Variants in CPSF6 observed in about 807,000 individuals in gnomAD.
CPSF6 encodes the protein cleavage and polyadenylation specificity factor subunit 6.
Under a neutral mutation model 56.7 loss-of-function variants are expected in CPSF6, and 10 were observed. The observed-to-expected ratio is 0.18, with a 90% CI of 0.11 to 0.30. CPSF6 has a LOEUF of 0.30. CPSF6 is among the 10% of genes least tolerant of loss of function. The pLI, the probability that CPSF6 is intolerant of heterozygous loss-of-function variation, is 1.00. For missense variants in CPSF6, 419 were observed against 722.9 expected, an observed-to-expected ratio of 0.58 and a Z score of 4.82; for synonymous variants, 248 against 244.8, an observed-to-expected ratio of 1.01 and a Z score of -0.12.
chr12:69,239,699 TC>T lies in CPSF6; in HGVS notation c.54del (p.Phe18LeufsTer13). 1 of 1,588,020 alleles carries T rather than the reference TC, an allele frequency of 6.3e-7. No homozygotes were observed. Among genetic ancestry groups the T allele is most frequent in the African/African-American group, 1.4e-5 (1 of 71,744 alleles). On this transcript the variant is annotated frameshift_variant, in exon 1 of 10. Transcript: ENST00000435070. LOFTEE classifies it high-confidence loss of function. ...IDIYADVGEE[F>X]NQEAEYGGHD... ...ATTTACGCGGATGTCGGCGAAGAGT[TC>T]AACCAGGTACGTGAGAGCCCAGGTC...
In CPSF6 at chr12:69,271,065, G is replaced by A. The variant is rs1873217155; in HGVS notation, c.*1557G>A. The A allele has an allele frequency of 6.6e-6, 1 of 151,884 alleles. No homozygotes were observed. The highest frequency in any genetic ancestry group is 1.5e-5 in the Non-Finnish European group (1 of 67,678). The allele number at this position is 151,884 out of a possible 1,614,324, so 9.4% of individuals were successfully genotyped here. ...CACTGCTGTTCTTCACTTTCATCTT[G>A]TCTGCTATCAAACCACTTCTGACAA... On this transcript the variant is annotated 3_prime_UTR_variant, in exon 10 of 10. Transcript: ENST00000435070.
chr12:69,261,036 T>A (rs1423927661), intron 8 of CPSF6, among the ~76,000 whole-genome samples: 1 of 152,242 alleles, frequency 6.6e-6, no homozygotes, highest in Non-Finnish European at 1.5e-5. Flanking sequence ...TAGTTCCTTT[T>A]TTTTTCTTTT....
In CPSF6 at chr12:69,273,052, G is replaced by A. The variant is rs1430854508; in HGVS notation, c.*3544G>A. Reference sequence around the variant, plus strand: ...TGTGGCCTTACATATGGCATTCCTTGTGTTCGTAATGTGAGATTTTTGATT... The same window carrying A: ...TGTGGCCTTACATATGGCATTCCTTATGTTCGTAATGTGAGATTTTTGATT... On this transcript the variant is annotated 3_prime_UTR_variant, in exon 10 of 10. Transcript: ENST00000435070. 2 of 284,840 alleles carry A rather than the reference G, an allele frequency of 7.0e-6. No individual in the cohort carries two copies. The highest frequency in any genetic ancestry group is 8.4e-5 in the East Asian group (1 of 11,866). The allele number at this position is 284,840 out of a possible 1,614,324, so 17.6% of individuals were successfully genotyped here.
chr12:69,268,195 A>AT (rs1010306154), intron 9 of CPSF6, among the ~76,000 whole-genome samples: 1 of 151,710 alleles, frequency 6.6e-6, no homozygotes, highest in African/African-American at 2.4e-5. Context: ...GCCATTTTGT[A>AT]TTTTTTCCCC....
intron 1 of CPSF6, among the ~76,000 whole-genome samples, chr12:69,249,151 TCGGGGG>T (rs1474337467): frequency 4.7e-5 from 1 of 21,378 alleles, no homozygotes; most frequent in African/African-American, 4.7e-4. Flanking sequence ...TCCCAGCTAC[TCGGGGG>T]GGGGGGGGGG....
chr12:69,258,464 G>T lies in CPSF6; in HGVS notation c.695-126G>T. 1 of 951,630 alleles carries T rather than the reference G, an allele frequency of 1.1e-6. No homozygotes were observed. The highest frequency in any genetic ancestry group is 1.5e-6 in the Non-Finnish European group (1 of 660,652). 58.9% of individuals were successfully genotyped at this position (951,630 alleles called of 1,614,324 possible). On this transcript the variant is annotated intron_variant, in intron 5 of 9. Coordinates refer to ENST00000435070, the MANE Select transcript of CPSF6 (RefSeq NM_007007.3). This position sits in a 1 kb window ranked among gnomAD's most constrained non-coding sequence, Gnocchi z 4.2. ...TTGGTAGTGTAACATTTACCATACGGGTTTAATTTAAAGACAAAGACTTGG... is the reference window on the plus strand; with the variant it reads ...TTGGTAGTGTAACATTTACCATACGTGTTTAATTTAAAGACAAAGACTTGG...
At chr12:69,245,206 G>A (rs1871834212) in intron 1 of CPSF6, among the ~76,000 whole-genome samples, 1 of 148,962 alleles carries the variant, frequency 6.7e-6, no homozygotes, top group South Asian at 2.4e-4. Flanking sequence ...ATAATTGTAT[G>A]TGCTATTCTT....
In CPSF6 at chr12:69,241,939, AG is replaced by A. The variant is rs756831120; in HGVS notation, c.60+2235del. On this transcript the variant is annotated intron_variant, in intron 1 of 9. Transcript: ENST00000435070. ...AGTTTCTGTACCAAAAAAAAAAAAAAGGTCACAAAAGGATAGTTGGTTATTT... is the reference window on the plus strand; with the variant it reads ...AGTTTCTGTACCAAAAAAAAAAAAAAGTCACAAAAGGATAGTTGGTTATTT... Among the ~76,000 whole-genome samples, 14 of 150,722 alleles carry A rather than the reference AG, an allele frequency of 9.3e-5. No individual in the cohort carries two copies. The East Asian group carries it at 2.3e-3, about 25-fold the overall frequency.
In CPSF6 at chr12:69,262,552, A is replaced by C. The variant is rs1872790966; in HGVS notation, c.1649A>C (p.His550Pro). 6.2e-7 allele frequency: 1 copy of C among 1,611,844 alleles called. No individual in the cohort carries two copies. The highest frequency in any genetic ancestry group is 1.1e-5 in the South Asian group (1 of 90,898). ...RERDREREYRHR is the reference protein window; with the variant it reads ...RERDREREYRPR The stretch of plus-strand genomic sequence containing the variant: ...CGTGACCGAGAGCGCGAATATCGTC[A>C]TCGTTAGAAGGTGGGTATTCCTTGT... The change falls in exon 9 of 10, where the codon CAT becomes CCT. Residue 550 changes from histidine to proline, a missense_variant. Transcript: ENST00000435070.
In CPSF6 at chr12:69,262,831, G is replaced by A. The variant is rs546959005; in HGVS notation, c.*3+269G>A. ...TAACAAAGCAAGGAAATAATCAAGAGGACTCATTGTGTACTTCTAAAATCT... is the reference window on the plus strand; with the variant it reads ...TAACAAAGCAAGGAAATAATCAAGAAGACTCATTGTGTACTTCTAAAATCT... On this transcript the variant is annotated intron_variant, in intron 9 of 9. Transcript: ENST00000435070. 1.9e-3 allele frequency among the ~76,000 whole-genome samples: 290 copies of A among 152,244 alleles called. 1 individual carries two copies. Among genetic ancestry groups the A allele is most frequent in the Non-Finnish European group, 3.0e-3 (202 of 67,994 alleles).
At chr12:69,244,710 C>CT (rs1871801579) in intron 1 of CPSF6, among the ~76,000 whole-genome samples, 1 of 150,092 alleles carries the variant, frequency 6.7e-6, no homozygotes, top group African/African-American at 2.5e-5. Context: ...TTTTTTTAAG[C>CT]TTTTTTTAAA....
intron 1 of CPSF6, among the ~76,000 whole-genome samples, chr12:69,250,443 A>G (rs548070860): frequency 6.6e-6 from 1 of 151,790 alleles, no homozygotes; most frequent in East Asian, 1.9e-4. Context: ...AATAAATATC[A>G]GTGGAAAAGT....
intron 1 of CPSF6, among the ~76,000 whole-genome samples, chr12:69,242,098 ACTAGTTG>A (rs1332891222): frequency 3.9e-5 from 6 of 152,194 alleles, no homozygotes; most frequent in African/African-American, 1.4e-4. Flanking sequence ...CCTTATTTCT[ACTAGTTG>A]CTATAGTAGA....
At chr12:69,266,250 A>G (rs1226154713) in intron 9 of CPSF6, among the ~76,000 whole-genome samples, 6 of 151,862 alleles carry the variant, frequency 4.0e-5, no homozygotes, top group African/African-American at 1.5e-4. Flanking sequence ...TTTCCCATGT[A>G]TCCTAACTGC....
chr12:69,239,954 C>T (rs944484066), intron 1 of CPSF6, among the ~76,000 whole-genome samples: 24 of 150,472 alleles, frequency 1.6e-4, no homozygotes, highest in African/African-American at 5.6e-4. Context: ...GTGCAGCTGC[C>T]GCCGGCTCCT....
In CPSF6 at chr12:69,258,966, G is replaced by A. The variant is rs1390941744; in HGVS notation, c.1071G>A (p.Val357=). The change falls in exon 6 of 10, where the codon GTG becomes GTA. Residue 357 remains valine (V), a synonymous_variant. Coordinates refer to ENST00000435070, the MANE Select transcript of CPSF6 (RefSeq NM_007007.3). The surrounding 1 kb of genome is among the most constrained non-coding windows in gnomAD (Gnocchi z 4.2). The part of the protein sequence containing the change: ...PPGAPPPAPH[V]NPAFFPPPTN... ...GTGCCCCACCGCCAGCTCCGCATGT[G>A]AACCCAGCTTTCTTTCCTCCACCAA... The A allele has an allele frequency of 1.9e-6, 3 of 1,613,886 alleles. No individual in the cohort carries two copies.
intron 6 of CPSF6, 152 bp from the exon 7 acceptor site, chr12:69,259,274 CTT>C (rs746757803): frequency 9.2e-5 from 74 of 806,280 alleles, no homozygotes; most frequent in Non-Finnish European, 1.1e-4. Context: ...GATTTGTTCT[CTT>C]TGTTGGAAAA....
intron 1 of CPSF6, 40 bp from the exon 2 acceptor site, chr12:69,251,089 T>G: frequency 7.7e-6 from 12 of 1,559,674 alleles, no homozygotes; most frequent in Non-Finnish European, 1.0e-5. Context: ...AGTAGTATTT[T>G]GACTTTTGTA....
intron 1 of CPSF6, among the ~76,000 whole-genome samples, chr12:69,247,192 T>A (rs933233651): frequency 1.3e-5 from 2 of 152,166 alleles, no homozygotes; most frequent in African/African-American, 4.8e-5. Context: ...TGAGAAGCCA[T>A]ACTTTAAGGG....
Sources: gnomAD v4.1 joint callset for allele counts (sites outside exome capture counted in the v4.1 genomes callset) on GRCh38, gnomAD v4.1.1 for gene constraint, Gnocchi (gnomAD v3.1) non-coding constraint, MANE v1.5 for transcripts, NCBI Gene and HGNC (gene_info 2026-07-23, HGNC 2026-07-21) for gene names.